Variants in GRK5 observed in about 807,000 individuals in gnomAD.
GRK5 encodes the protein g protein-coupled receptor kinase GRK5.
GRK5 carries 40 observed loss-of-function variants against 78.4 expected under a neutral mutation model. The ratio of observed to expected loss-of-function variants is 0.51; its 90% CI spans 0.40 to 0.66. GRK5 has a LOEUF of 0.66. GRK5 is among the 30% of genes least tolerant of loss of function. The pLI is 0.00. For synonymous variants in GRK5, 289 were observed against 296.8 expected (o/e 0.97, Z 0.27); for missense variants, 598 against 759.9 (o/e 0.79, Z 2.50).
intron 2 of GRK5, among the ~76,000 whole-genome samples, chr10:119,338,349 A>G (rs1301650837): frequency 6.6e-6 from 1 of 152,192 alleles, no homozygotes; most frequent in Non-Finnish European, 1.5e-5. Context: ...TAATTGGTAA[A>G]TTATTTTGCT....
intron 3 of GRK5, among the ~76,000 whole-genome samples, chr10:119,382,606 G>C (rs1258696673): frequency 6.6e-6 from 1 of 152,018 alleles, no homozygotes; most frequent in Non-Finnish European, 1.5e-5. Flanking sequence ...TCTCATCTGT[G>C]AACTTTTCAT....
At chr10:119,332,415 T>A (rs1344896195) in intron 2 of GRK5, among the ~76,000 whole-genome samples, 3 of 152,222 alleles carry the variant, frequency 2.0e-5, no homozygotes, top group Non-Finnish European at 4.4e-5. Flanking sequence ...CCAGCTATTG[T>A]AATTTTGAAC....
chr10:119,240,668 T>G (rs921674103), intron 1 of GRK5, among the ~76,000 whole-genome samples: 10 of 152,210 alleles, frequency 6.6e-5, no homozygotes, highest in African/African-American at 2.4e-4. Flanking sequence ...CTTTGCCCGC[T>G]TTTTGATGGG....
At chr10:119,370,040 G>T (rs528960080) in intron 2 of GRK5, among the ~76,000 whole-genome samples, 1 of 152,258 alleles carries the variant, frequency 6.6e-6, no homozygotes, top group South Asian at 2.1e-4. Context: ...CATGGTGATG[G>T]TATAGTCCAT....
At chr10:119,422,618 A>G (rs1044626980) in intron 4 of GRK5, among the ~76,000 whole-genome samples, 2 of 152,110 alleles carry the variant, frequency 1.3e-5, no homozygotes, top group Non-Finnish European at 2.9e-5. Flanking sequence ...GCCTGATCCA[A>G]ACCCTTTCAC....
intron 2 of GRK5, among the ~76,000 whole-genome samples, chr10:119,346,034 C>A (rs1268111151): frequency 6.6e-6 from 1 of 152,000 alleles, no homozygotes; most frequent in Non-Finnish European, 1.5e-5. Flanking sequence ...GTGTCCCCAC[C>A]AAACATTCCC....
chr10:119,216,165 A>G (rs971141798), intron 1 of GRK5, among the ~76,000 whole-genome samples: 3 of 152,256 alleles, frequency 2.0e-5, no homozygotes, highest in African/African-American at 7.2e-5. Context: ...AAGGGAGTCT[A>G]TCTGACGTAC....
At chr10:119,285,228 G>C (rs1277333862) in intron 1 of GRK5, among the ~76,000 whole-genome samples, 2 of 152,178 alleles carry the variant, frequency 1.3e-5, no homozygotes, top group Admixed American at 6.5e-5. Flanking sequence ...CTTTGGTGGA[G>C]GTAGGGGGAG....
Position 119,456,040 on chromosome 10 carries a change from G to C in GRK5, c.*973G>C, listed in dbSNP as rs1191317346. 1.3e-5 allele frequency: 2 copies of C among 152,286 alleles called. No homozygotes were observed. The highest frequency in any genetic ancestry group is 2.9e-5 in the Non-Finnish European group (2 of 68,086). The allele number at this position is 152,286 out of a possible 1,614,324, so 9.4% of individuals were successfully genotyped here. On this transcript the variant is annotated 3_prime_UTR_variant, in exon 16 of 16. Coordinates refer to ENST00000392870, the MANE Select transcript of GRK5 (RefSeq NM_005308.3). The surrounding 1 kb of genome is among the most constrained non-coding windows in gnomAD (Gnocchi z 5.5). ...GTAAAGATGTGTCATGAAACCCCAA[G>C]TGTCCCAAAGCCTCGGGGCCCACAG...
chr10:119,224,758 C>G (rs1848708777), intron 1 of GRK5, among the ~76,000 whole-genome samples: 1 of 152,170 alleles, frequency 6.6e-6, no homozygotes, highest in South Asian at 2.1e-4. Flanking sequence ...GTATCTTCTC[C>G]TGCTGTGCAT....
At chr10:119,306,692 C>A (rs190560100) in intron 1 of GRK5, among the ~76,000 whole-genome samples, 1 of 152,238 alleles carries the variant, frequency 6.6e-6, no homozygotes, top group Non-Finnish European at 1.5e-5. Flanking sequence ...TCTGCCTGAG[C>A]CCCTGAGCCT....
Position 119,436,940 on chromosome 10 carries a change from C to G in GRK5, c.929+99C>G. On this transcript the variant is annotated intron_variant, in intron 9 of 15. Transcript: ENST00000392870. ...AGGTGGTTGCCATCGCTCTGGGAAT[C>G]AGCCCTGGTCAGCACCAGGGGAGGA... 6 of 1,083,760 alleles carry G rather than the reference C, an allele frequency of 5.5e-6. No homozygotes were observed. In the South Asian group the frequency reaches 9.7e-5, roughly 18 times the overall value. 67.1% of individuals were successfully genotyped at this position (1,083,760 alleles called of 1,614,324 possible).
At chr10:119,279,997 A>T (rs764909038) in intron 1 of GRK5, among the ~76,000 whole-genome samples, 5 of 151,980 alleles carry the variant, frequency 3.3e-5, no homozygotes, top group Non-Finnish European at 4.4e-5. Flanking sequence ...AACCCTACAA[A>T]CCCAGTGCCC....
chr10:119,325,227 A>G (rs1777318594), intron 1 of GRK5, among the ~76,000 whole-genome samples: 1 of 152,138 alleles, frequency 6.6e-6, no homozygotes, highest in South Asian at 2.1e-4. Context: ...CCCTCCTTTC[A>G]GCTTTGGGAG....
intron 2 of GRK5, among the ~76,000 whole-genome samples, chr10:119,356,743 A>G (rs1851267816): frequency 6.6e-6 from 1 of 152,224 alleles, no homozygotes; most frequent in Non-Finnish European, 1.5e-5. Context: ...ACAGAACTGC[A>G]GCCCTTCTGT....
intron 1 of GRK5, among the ~76,000 whole-genome samples, chr10:119,280,296 C>G (rs533303503): frequency 6.6e-6 from 1 of 152,228 alleles, no homozygotes; most frequent in African/African-American, 2.4e-5. Flanking sequence ...AAGTTAGTGC[C>G]GTAACACACA....
At chr10:119,241,662 G>T (rs759283430) in intron 1 of GRK5, among the ~76,000 whole-genome samples, 36 of 152,336 alleles carry the variant, frequency 2.4e-4, no homozygotes, top group Non-Finnish European at 4.3e-4. Flanking sequence ...AGTCGGGGTG[G>T]CTGGGAACAT....
chr10:119,403,208 C>A (rs543231966), intron 4 of GRK5, among the ~76,000 whole-genome samples: 1 of 152,210 alleles, frequency 6.6e-6, no homozygotes, highest in Non-Finnish European at 1.5e-5. Flanking sequence ...GCTCTGTCCC[C>A]CAGGCTGGAG....
At chr10:119,439,207 C>T (rs1852983015) in intron 9 of GRK5, among the ~76,000 whole-genome samples, 2 of 152,274 alleles carry the variant, frequency 1.3e-5, no homozygotes. Flanking sequence ...CACACCTATG[C>T]CATGCCCCGT....
Sources: allele counts gnomAD v4.1 joint callset (sites outside exome capture counted in the v4.1 genomes callset), GRCh38; gene constraint gnomAD v4.1.1; non-coding constraint Gnocchi (gnomAD v3.1); transcripts MANE v1.5; gene names NCBI Gene and HGNC (gene_info 2026-07-23, HGNC 2026-07-21).